PTPRA: variants seen among roughly 807,000 people sequenced by gnomAD.
The protein encoded by PTPRA is protein tyrosine phosphatase receptor type A.
A neutral mutation model predicts 104.8 loss-of-function variants in PTPRA; 25 were observed. That is an observed-to-expected ratio of 0.24 (90% confidence interval 0.17 to 0.33). The LOEUF is 0.33. Ranked by LOEUF, PTPRA falls within the 10% of genes least tolerant of loss-of-function variation. The pLI, the probability that PTPRA is intolerant of heterozygous loss-of-function variation, is 1.00. For missense variants in PTPRA, 765 were observed against 1,015.3 expected, an observed-to-expected ratio of 0.75 and a Z score of 3.35; for synonymous variants, 323 against 368.9, an observed-to-expected ratio of 0.88 and a Z score of 1.43.
intron 10 of PTPRA, among the ~76,000 whole-genome samples, chr20:3,005,430 G>T (rs543009702): frequency 6.6e-6 from 1 of 152,096 alleles, no homozygotes; most frequent in South Asian, 2.1e-4. Context: ...TGTGTCTGTC[G>T]TCCCAGCTAC....
At chr20:2,974,343 C>CA (rs2062331103) in intron 5 of PTPRA, among the ~76,000 whole-genome samples, 1 of 152,008 alleles carries the variant, frequency 6.6e-6, no homozygotes, top group South Asian at 2.1e-4. Flanking sequence ...TCTACCCTCC[C>CA]AGGTTTAAGC....
At chr20:2,985,305 A>G (rs994276399) in intron 6 of PTPRA, among the ~76,000 whole-genome samples, 4 of 152,208 alleles carry the variant, frequency 2.6e-5, no homozygotes, top group East Asian at 1.9e-4. Context: ...GAATTAGACA[A>G]CTGTGTTTCG....
chr20:2,889,685 A>G (rs1314527331), intron 1 of PTPRA, among the ~76,000 whole-genome samples: 1 of 152,198 alleles, frequency 6.6e-6, no homozygotes, highest in Non-Finnish European at 1.5e-5. Flanking sequence ...TTATCATCTC[A>G]GAAAGCCATG....
chr20:2,954,658 TTC>T (rs2061473376), intron 3 of PTPRA, among the ~76,000 whole-genome samples: 1 of 152,226 alleles, frequency 6.6e-6, no homozygotes, highest in Admixed American at 6.5e-5. Flanking sequence ...TGCTTTTTCA[TTC>T]TGTTATAGTA....
intron 3 of PTPRA, among the ~76,000 whole-genome samples, chr20:2,963,562 C>G (rs1364327375): frequency 6.6e-6 from 1 of 151,940 alleles, no homozygotes; most frequent in Non-Finnish European, 1.5e-5. Flanking sequence ...CCATTGCACT[C>G]CAGCCCGGGC....
intron 11 of PTPRA, among the ~76,000 whole-genome samples, chr20:3,014,457 G>A (rs916863727): frequency 1.4e-4 from 21 of 152,110 alleles, no homozygotes; most frequent in Non-Finnish European, 2.9e-4. Flanking sequence ...GGCCAACATG[G>A]TGAAACCCCA....
intron 11 of PTPRA, among the ~76,000 whole-genome samples, chr20:3,012,495 T>C (rs1600252046): frequency 6.6e-6 from 1 of 152,140 alleles, no homozygotes; most frequent in East Asian, 1.9e-4. Context: ...AATAAAGGAG[T>C]GGGCCAAGAA....
intron 6 of PTPRA, among the ~76,000 whole-genome samples, chr20:2,978,658 G>A (rs1427364567): frequency 6.6e-6 from 1 of 152,120 alleles, no homozygotes; most frequent in Non-Finnish European, 1.5e-5. Context: ...TTTCATGCTT[G>A]CTCCCTGGCC....
intron 3 of PTPRA, among the ~76,000 whole-genome samples, chr20:2,952,988 A>G (rs1280574301): frequency 1.3e-5 from 2 of 152,050 alleles, no homozygotes; most frequent in East Asian, 1.9e-4. Context: ...CCTTTTGGCT[A>G]TTGTGAATAA....
rs1423909050 is a variant in PTPRA, at chr20:2,910,589, G to GTTT, written c.-128-12610_-128-12608dup. On this transcript the variant is annotated intron_variant, in intron 1 of 23. Transcript: ENST00000399903. ...ATCATGCCCAGCTAGTTTTTTTTTT[G>GTTT]TTTTTTTTTTGTTTTTTTTAATTTT... Among the ~76,000 whole-genome samples the GTTT allele has an allele frequency of 5.1e-3, 297 of 57,968 alleles. 14 individuals are homozygous for GTTT. Among genetic ancestry groups the GTTT allele is most frequent in the African/African-American group, 0.015 (193 of 12,606 alleles). The allele number at this position is 57,968 out of a possible 152,430, so 38.0% of individuals were successfully genotyped here. A position where few individuals can be genotyped will look rare whatever the true frequency, so the allele number is the denominator to read the frequency against.
intron 12 of PTPRA, 75 bp downstream of exon 12, chr20:3,015,960 G>A: frequency 7.2e-7 from 1 of 1,384,208 alleles, no homozygotes; most frequent in Non-Finnish European, 1.0e-6. Flanking sequence ...TCTCCCAAAT[G>A]CTGAGTGGAT....
intron 1 of PTPRA, among the ~76,000 whole-genome samples, chr20:2,898,491 G>A (rs1168330211): frequency 4.0e-5 from 6 of 151,556 alleles, no homozygotes; most frequent in Middle Eastern, 3.2e-3. Flanking sequence ...TGAGATTATA[G>A]GCATGAGCCA....
chr20:2,972,269 G>A (rs1384572671), intron 5 of PTPRA, among the ~76,000 whole-genome samples: 2 of 152,082 alleles, frequency 1.3e-5, no homozygotes, highest in African/African-American at 4.8e-5. Context: ...ACAGTGGCAC[G>A]ATCATGGCTC....
chr20:2,931,923 A>G (rs564057876), intron 2 of PTPRA, among the ~76,000 whole-genome samples: 8 of 152,280 alleles, frequency 5.3e-5, no homozygotes, highest in African/African-American at 1.4e-4. Context: ...TGGCTTTTCA[A>G]TGGAAGTCTG....
intron 19 of PTPRA, among the ~76,000 whole-genome samples, 162 bp from the exon 20 acceptor site, chr20:3,027,545 A>G (rs932800610): frequency 6.6e-6 from 1 of 152,220 alleles, no homozygotes; most frequent in Non-Finnish European, 1.5e-5. Flanking sequence ...TACAGAAAGC[A>G]ACCAGCTTGT....
chr20:2,952,533 C>A (rs2061387836), intron 3 of PTPRA, among the ~76,000 whole-genome samples: 1 of 151,978 alleles, frequency 6.6e-6, no homozygotes, highest in Admixed American at 6.6e-5. Context: ...ATTCTCATGT[C>A]TTTTAAAAAA....
At chr20:2,912,786 C>A (rs145904604) in intron 1 of PTPRA, among the ~76,000 whole-genome samples, 86 of 152,266 alleles carry the variant, frequency 5.6e-4, no homozygotes, top group Non-Finnish European at 8.5e-4. Context: ...TCCAACATCA[C>A]AAAAGTTCTA....
At chr20:2,866,693 A>G in the PTPRA span, 2 of 1,440,012 alleles carry the variant, frequency 1.4e-6, no homozygotes, top group Non-Finnish European at 1.9e-6. Flanking sequence ...GGGGCATGGT[A>G]GCAGGGCTGT....
chr20:2,988,416 A>G lies in PTPRA; in HGVS notation c.680A>G (p.Glu227Gly). 2.5e-6 allele frequency: 4 copies of G among 1,613,032 alleles called. No individual in the cohort carries two copies. The highest frequency in any genetic ancestry group is 3.4e-6 in the Non-Finnish European group (4 of 1,179,822). The part of the protein sequence containing the change: ...KYPPLPVDKL[E>G]EEINRRMADD... Reference sequence around the variant, plus strand: ...CCACCCCTGCCCGTGGACAAGCTGGAAGAGGAAATTAACCGGAGAATGGCA... The same window carrying G: ...CCACCCCTGCCCGTGGACAAGCTGGGAGAGGAAATTAACCGGAGAATGGCA... Residue 227 changes from glutamate to glycine, a missense_variant, in exon 9 of 24, where the codon GAA becomes GGA. Glu to Gly is a moderately conservative substitution (Grantham distance 98, BLOSUM62 -2). Around this residue, in one of 4 missense-constraint regions of PTPRA, gnomAD observed 245 missense variants for 398.7 expected, o/e 0.61. Coordinates refer to ENST00000399903, the MANE Select transcript of PTPRA (RefSeq NM_001385305.1).
Sources: gnomAD v4.1 joint callset for allele counts (sites outside exome capture counted in the v4.1 genomes callset) on GRCh38, gnomAD v4.1.1 for gene constraint, gnomAD v4.1.1 regional missense constraint, MANE v1.5 for transcripts, NCBI Gene and HGNC (gene_info 2026-07-23, HGNC 2026-07-21) for gene names.